UNC13A: variants seen among roughly 807,000 people sequenced by gnomAD.
UNC13A encodes the protein protein unc-13 homolog A.
In UNC13A, 61 loss-of-function variants were observed where a neutral mutation model predicts 219.7. That is an observed-to-expected ratio of 0.28 (90% confidence interval 0.23 to 0.34). The LOEUF (loss-of-function observed/expected upper bound fraction) is 0.34, where lower values mean the gene tolerates loss of function less well. UNC13A is among the 10% of genes least tolerant of loss of function. The pLI is 1.00. For missense variants in UNC13A, 1,476 were observed against 2,270.3 expected, an observed-to-expected ratio of 0.65 and a Z score of 7.11; for synonymous variants, 920 against 884.6, an observed-to-expected ratio of 1.04 and a Z score of -0.71.
chr19:17,652,064 G>C (rs764883398), intron 12 of UNC13A, among the ~76,000 whole-genome samples: 16 of 152,046 alleles, frequency 1.1e-4, no homozygotes, highest in Non-Finnish European at 1.9e-4. Flanking sequence ...CAAATATATA[G>C]TGTACATTTC....
intron 8 of UNC13A, among the ~76,000 whole-genome samples, chr19:17,659,611 A>T (rs1038424560): frequency 2.6e-5 from 4 of 152,062 alleles, no homozygotes; most frequent in East Asian, 1.9e-4. Context: ...CTTTAAAAAA[A>T]TTTAAAAATT....
rs2079299615 is a variant in UNC13A at position 17,649,251 on chromosome 19, A to AT, written c.1524+87dup. ...CAGTGGGACATGGCAAGGTTCCCCC[A>AT]TAATCCATGAATTGGGGGCCTGTTA... is the stretch of plus-strand genomic sequence containing the variant. On this transcript the variant is annotated intron_variant, in intron 14 of 43. Transcript: ENST00000519716. This position sits in a 1 kb window ranked among gnomAD's most constrained non-coding sequence, Gnocchi z 4.4. The AT allele has an allele frequency of 2.6e-6, 4 of 1,532,242 alleles. No homozygotes were observed. In the Admixed American group the frequency reaches 7.8e-5, roughly 30 times the overall value. 94.9% of individuals were successfully genotyped at this position (1,532,242 alleles called of 1,614,324 possible). A position where few individuals can be genotyped will look rare whatever the true frequency, so the allele number is the denominator to read the frequency against.
rs533650500 is a variant in UNC13A, at chr19:17,676,733, G to A, written c.23-692C>T. ...CTGGCTCTCAAAATGCATGTGGAGG[G>A]CGAGGCACGGTGGCTCACACCTATA... On this transcript the variant is annotated intron_variant, in intron 1 of 43. Transcript: ENST00000519716. 3.3e-5 allele frequency among the ~76,000 whole-genome samples: 5 copies of A among 152,286 alleles called. No homozygotes were observed. The East Asian group carries it at 7.7e-4, about 24-fold the overall frequency.
In UNC13A at chr19:17,641,279, C is replaced by A. The variant is rs529462947; in HGVS notation, c.2636+114G>T. The stretch of plus-strand genomic sequence containing the variant: ...AGGGGAATTACGGAACCCACCACCA[C>A]CACGCCCACTTCCTCTCTGGGTCTT... On this transcript the variant is annotated intron_variant, in intron 21 of 43. Transcript: ENST00000519716. 9 of 1,375,256 alleles carry A rather than the reference C, an allele frequency of 6.5e-6. No homozygotes were observed. The South Asian group carries it at 1.2e-4, about 19-fold the overall frequency. The allele number at this position is 1,375,256 out of a possible 1,614,324, so 85.2% of individuals were successfully genotyped here. A position where few individuals can be genotyped will look rare whatever the true frequency, so the allele number is the denominator to read the frequency against.
At chr19:17,631,183 C>A (rs1277390182) in intron 28 of UNC13A, among the ~76,000 whole-genome samples, 1 of 13,924 alleles carries the variant, frequency 7.2e-5, no homozygotes, top group African/African-American at 4.1e-4. Context: ...CCCTCCTTTC[C>A]TTCCTTCCCT....
intron 42 of UNC13A, among the ~76,000 whole-genome samples, chr19:17,610,793 C>T (rs1452264576): frequency 1.3e-5 from 2 of 152,128 alleles, no homozygotes; most frequent in Non-Finnish European, 2.9e-5. Context: ...CTTTGGGAGG[C>T]CCAGGTGGGA....
At chr19:17,679,656 G>A (rs1034346280) in intron 1 of UNC13A, among the ~76,000 whole-genome samples, 7 of 152,054 alleles carry the variant, frequency 4.6e-5, no homozygotes, top group Non-Finnish European at 1.0e-4. Flanking sequence ...TAGGCTCAGC[G>A]GGGAGCCCAG....
intron 1 of UNC13A, among the ~76,000 whole-genome samples, chr19:17,684,052 T>C (rs967996893): frequency 1.3e-5 from 2 of 152,236 alleles, no homozygotes; most frequent in African/African-American, 4.8e-5. Context: ...GCTGAGATCA[T>C]GCCACTGCAC....
In UNC13A at chr19:17,656,240, C is replaced by A; in HGVS notation, c.926G>T (p.Ser309Ile). 6.4e-7 allele frequency: 1 copy of A among 1,552,114 alleles called. No homozygotes were observed. The highest frequency in any genetic ancestry group is 8.7e-7 in the Non-Finnish European group (1 of 1,147,112). ...DSYHSCHSSV[S>I]YHKDSPRWDQ... ...CCAGCGAGGCGAGTCTTTGTGGTAGCTGACCGAGCTGTGGCAGGAGTGGTA... is the reference window on the plus strand; with the variant it reads ...CCAGCGAGGCGAGTCTTTGTGGTAGATGACCGAGCTGTGGCAGGAGTGGTA... The change falls in exon 10 of 44, where the codon AGC becomes ATC. Residue 309 changes from serine (S) to isoleucine (I), a missense_variant. By Grantham distance (142) the Ser-to-Ile change is moderately radical. Around this residue, in one of 14 missense-constraint regions of UNC13A, gnomAD observed 351 missense variants for 342.6 expected, o/e 1.02. Coordinates refer to ENST00000519716, the MANE Select transcript of UNC13A (RefSeq NM_001080421.3).
At chr19:17,686,002 C>A (rs1462587306) in intron 1 of UNC13A, among the ~76,000 whole-genome samples, 1 of 151,638 alleles carries the variant, frequency 6.6e-6, no homozygotes, top group Non-Finnish European at 1.5e-5. Context: ...CAGCACTTCT[C>A]CCTCTCCCCA....
intron 1 of UNC13A, among the ~76,000 whole-genome samples, chr19:17,678,179 T>C (rs1378508427): frequency 1.3e-5 from 2 of 152,110 alleles, no homozygotes; most frequent in Admixed American, 1.3e-4. Flanking sequence ...TAAACACATG[T>C]CAGTAAAGAC....
At chr19:17,666,183 CTCTCTCTT>C (rs939335225) in intron 7 of UNC13A, among the ~76,000 whole-genome samples, 17 of 26,864 alleles carry the variant, frequency 6.3e-4, no homozygotes, top group South Asian at 1.3e-3. Context: ...TTCTTTCTCT[CTCTCTCTT>C]TCTCTCTTTC....
intron 16 of UNC13A, 146 bp from the exon 17 acceptor site, chr19:17,647,638 C>G: frequency 1.4e-6 from 1 of 713,014 alleles, no homozygotes; most frequent in Non-Finnish European, 2.3e-6. Context: ...TCTGTACCCC[C>G]CACCCAGACC....
chr19:17,618,607 T>C (rs2076693743), intron 39 of UNC13A, 106 bp from the exon 40 acceptor site: 2 of 1,175,270 alleles, frequency 1.7e-6, no homozygotes, highest in African/African-American at 3.1e-5. Context: ...GGGCTGAGGG[T>C]CTATGTTTTC....
intron 35 of UNC13A, among the ~76,000 whole-genome samples, chr19:17,624,086 A>C (rs2076757396): frequency 6.7e-6 from 1 of 149,742 alleles, no homozygotes. Context: ...TGAGCCCCAA[A>C]GCCCTTAGAA....
chr19:17,679,017 G>A (rs529752956), intron 1 of UNC13A, among the ~76,000 whole-genome samples: 1 of 152,288 alleles, frequency 6.6e-6, no homozygotes, highest in African/African-American at 2.4e-5. Context: ...CCAGCTACTA[G>A]GAAGGCTAAG....
At position 17,649,082 on chromosome 19, in the gene UNC13A, G is replaced by T; in HGVS notation, c.1525-99C>A. On this transcript the variant is annotated intron_variant, in intron 14 of 43. Coordinates refer to ENST00000519716, the MANE Select transcript of UNC13A (RefSeq NM_001080421.3). This position sits in a 1 kb window ranked among gnomAD's most constrained non-coding sequence, Gnocchi z 4.4. The stretch of plus-strand genomic sequence containing the variant: ...CGGATGGGGCCAGCAGCCACATTTT[G>T]GAGCCACAACCGCAAGTTGGAAACA... 7.4e-7 allele frequency: 1 copy of T among 1,353,584 alleles called. No individual in the cohort carries two copies. The allele number at this position is 1,353,584 out of a possible 1,614,324, so 83.8% of individuals were successfully genotyped here. A position where few individuals can be genotyped will look rare whatever the true frequency, so the allele number is the denominator to read the frequency against.
At chr19:17,685,397 T>A (rs966322496) in intron 1 of UNC13A, among the ~76,000 whole-genome samples, 5 of 152,152 alleles carry the variant, frequency 3.3e-5, no homozygotes, top group Non-Finnish European at 7.4e-5. Flanking sequence ...TTCACCATGT[T>A]GGCCAGGCTG....
Position 17,674,858 on chromosome 19 carries a change from G to A in UNC13A, c.53-102C>T, listed in dbSNP as rs1003448769. ...GCTGTGATCCCCTCAGGAATTTCTG[G>A]GCCACTCACCCCCTAACCCACAACC... On this transcript the variant is annotated intron_variant, in intron 2 of 43. Coordinates refer to ENST00000519716, the MANE Select transcript of UNC13A (RefSeq NM_001080421.3). The surrounding 1 kb of genome is among the most constrained non-coding windows in gnomAD (Gnocchi z 5.0). 1.0e-5 allele frequency: 10 copies of A among 998,844 alleles called. No individual in the cohort carries two copies. Among genetic ancestry groups the A allele is most frequent in the African/African-American group, 9.6e-5 (6 of 62,824 alleles). 61.9% of individuals were successfully genotyped at this position (998,844 alleles called of 1,614,324 possible). A position where few individuals can be genotyped will look rare whatever the true frequency, so the allele number is the denominator to read the frequency against.
Sources: gnomAD v4.1 joint callset for allele counts (sites outside exome capture counted in the v4.1 genomes callset) on GRCh38, gnomAD v4.1.1 for gene constraint, gnomAD v4.1.1 regional missense constraint, Gnocchi (gnomAD v3.1) non-coding constraint, MANE v1.5 for transcripts, NCBI Gene and HGNC (gene_info 2026-07-23, HGNC 2026-07-21) for gene names.